TMEM202: variants seen among roughly 807,000 people sequenced by gnomAD.
TMEM202 encodes the protein transmembrane protein 202.
A neutral mutation model predicts 26.1 loss-of-function variants in TMEM202; 25 were observed. The ratio of observed to expected loss-of-function variants is 0.96; its 90% CI spans 0.70 to 1.34. TMEM202 has a LOEUF of 1.34. Among genes scored for constraint, TMEM202 ranks in the 40% most tolerant of loss-of-function variants. The pLI is 0.00. For synonymous variants in TMEM202, 122 were observed against 119.0 expected, an observed-to-expected ratio of 1.02 and a Z score of -0.16; for missense variants, 301 against 327.7, an observed-to-expected ratio of 0.92 and a Z score of 0.63.
chr15:72,402,743 C>T (rs2063553699), intron 2 of TMEM202, among the ~76,000 whole-genome samples: 1 of 152,026 alleles, frequency 6.6e-6, no homozygotes, highest in East Asian at 1.9e-4. Flanking sequence ...CACTGGGCAC[C>T]CTAGAGTTAG....
chr15:72,402,146 A>G (rs991250593), intron 2 of TMEM202, among the ~76,000 whole-genome samples: 1 of 151,956 alleles, frequency 6.6e-6, no homozygotes, highest in African/African-American at 2.4e-5. Context: ...TTGTGTTTTT[A>G]GTAGAGATGG....
chr15:72,406,681 T>C lies in TMEM202; in HGVS notation c.417T>C (p.Ser139=). The C allele has an allele frequency of 6.2e-7, 1 of 1,614,206 alleles. No homozygotes were observed. Residue 139 remains serine, a synonymous_variant, in exon 3 of 5, where the codon TCT becomes TCC. Transcript: ENST00000341689. ...CTGGCCTTGGCTGGCTCTTCAGCTC[T>C]TGGATCCTTAATCGAGGAAGCATGA... ...ILTGLGWLFS[S]WILNRGSMTT... is the part of the protein sequence containing the mutation.
chr15:72,401,289 G>T (rs1416192051), intron 2 of TMEM202, among the ~76,000 whole-genome samples: 1 of 152,056 alleles, frequency 6.6e-6, no homozygotes, highest in African/African-American at 2.4e-5. Flanking sequence ...AAACACCTCT[G>T]ATATCAGCAC....
chr15:72,398,486 G>A (rs1295674352), intron 1 of TMEM202, 79 bp downstream of exon 1: 1 of 1,425,920 alleles, frequency 7.0e-7, no homozygotes, highest in East Asian at 2.4e-5. Context: ...GCATCCTAAA[G>A]ACAGAAAAGA....
chr15:72,406,474 T>A (rs113736354), intron 2 of TMEM202, 128 bp from the exon 3 acceptor site: 1 of 665,708 alleles, frequency 1.5e-6, no homozygotes, highest in East Asian at 2.6e-5. Flanking sequence ...GCAAAAAGGA[T>A]GTCATGTAGC....
Position 72,407,828 on chromosome 15 carries a change from A to G in TMEM202, c.757A>G (p.Arg253Gly), listed in dbSNP as rs141447513. The change falls in exon 5 of 5, where the codon AGG (arginine) becomes GGG (glycine). Residue 253 changes from arginine to glycine, a missense_variant. Coordinates refer to ENST00000341689, the MANE Select transcript of TMEM202 (RefSeq NM_001080462.3). ...ATCACCTGCTAAAGATGAAGGGCCA[A>G]GGTCTGAGATGGAATCTCTAAGTGT... is the stretch of plus-strand genomic sequence containing the variant. ...TVSPAKDEGP[R>G]SEMESLSVRE... The G allele has an allele frequency of 3.9e-5, 63 of 1,613,998 alleles. No homozygotes were observed. Among genetic ancestry groups the G allele is most frequent in the Non-Finnish European group, 4.8e-5 (57 of 1,180,022 alleles).
At chr15:72,403,907 T>C (rs2063559908) in intron 2 of TMEM202, among the ~76,000 whole-genome samples, 1 of 152,152 alleles carries the variant, frequency 6.6e-6, no homozygotes, top group Non-Finnish European at 1.5e-5. Flanking sequence ...GAGGATCTTG[T>C]TTATGTAGTT....
At chr15:72,407,279 G>A in intron 4 of TMEM202, 62 bp downstream of exon 4, 2 of 1,575,142 alleles carry the variant, frequency 1.3e-6, no homozygotes, top group Non-Finnish European at 1.7e-6. Flanking sequence ...TGGAAAGGGA[G>A]GTATAATCCA....
chr15:72,401,435 T>C (rs967328517), intron 2 of TMEM202, among the ~76,000 whole-genome samples: 7 of 152,088 alleles, frequency 4.6e-5, no homozygotes, highest in African/African-American at 1.4e-4. Context: ...TCCCAGTTAC[T>C]TGGGAGGCCG....
Position 72,407,886 on chromosome 15 carries a change from G to A in TMEM202, c.815G>A (p.Trp272Ter). The change falls in exon 5 of 5, where the codon TGG becomes TAG. Residue 272 changes from tryptophan to a stop codon, truncating the protein, a stop_gained. Coordinates refer to ENST00000341689, the MANE Select transcript of TMEM202 (RefSeq NM_001080462.3). LOFTEE classifies it high-confidence loss of function. ...AAAAATTTACCAAAGTCAGGACTGT[G>A]GTGGTGATAGGAAAACCTAACTATA... ...REKNLPKSGL[W>*]W The A allele has an allele frequency of 6.2e-7, 1 of 1,613,042 alleles. No individual in the cohort carries two copies. The highest frequency in any genetic ancestry group is 1.8e-4 in the Middle Eastern group (1 of 5,644).
chr15:72,399,000 A>G lies in TMEM202; in HGVS notation c.337+92A>G, dbSNP rs919573566. The G allele has an allele frequency of 4.0e-6, 6 of 1,489,368 alleles. No individual in the cohort carries two copies. The African/African-American group carries it at 6.9e-5, about 17-fold the overall frequency. The allele number at this position is 1,489,368 out of a possible 1,614,324, so 92.3% of individuals were successfully genotyped here. A position where few individuals can be genotyped will look rare whatever the true frequency, so the allele number is the denominator to read the frequency against. ...GGCCCTTCATGTTTCTTCCTCCAAG[A>G]TCTTTTGGCCTTCACCTCTCCAAGT... On this transcript the variant is annotated intron_variant, in intron 2 of 4. Coordinates refer to ENST00000341689, the MANE Select transcript of TMEM202 (RefSeq NM_001080462.3).
Position 72,407,953 on chromosome 15 carries a change from C to A in TMEM202, c.*60C>A. 7.1e-7 allele frequency: 1 copy of A among 1,404,556 alleles called. No individual in the cohort carries two copies. Among genetic ancestry groups the A allele is most frequent in the South Asian group, 1.2e-5 (1 of 81,780 alleles). The allele number at this position is 1,404,556 out of a possible 1,614,324, so 87.0% of individuals were successfully genotyped here. A position where few individuals can be genotyped will look rare whatever the true frequency, so the allele number is the denominator to read the frequency against. ...GGGGAGAAGCTGAGTTGGGAATGGT[C>A]ACATAAATTCTGGGAAACTCTCCTA... On this transcript the variant is annotated 3_prime_UTR_variant, in exon 5 of 5. Transcript: ENST00000341689.
Position 72,407,702 on chromosome 15 carries a change from C to G in TMEM202, c.631C>G (p.Leu211Val), listed in dbSNP as rs1339550343. Reference sequence around the variant, plus strand: ...TTCCCTTCCCGTAGGGATCATCTCTCTTCTCAACTACTTAACTTCCAGATC... The same window carrying G: ...TTCCCTTCCCGTAGGGATCATCTCTGTTCTCAACTACTTAACTTCCAGATC... ...IFYMFAGIISLLNYLTSRSPA... is the reference protein window; with the variant it reads ...IFYMFAGIISVLNYLTSRSPA... Residue 211 changes from leucine (L) to valine (V), a missense_variant, in exon 5 of 5, where the codon CTT (leucine) becomes GTT (valine). Leu to Val is a conservative substitution (Grantham distance 32). Coordinates refer to ENST00000341689, the MANE Select transcript of TMEM202 (RefSeq NM_001080462.3). 2.5e-6 allele frequency: 4 copies of G among 1,613,912 alleles called. No homozygotes were observed. Among genetic ancestry groups the G allele is most frequent in the South Asian group, 1.1e-5 (1 of 91,076 alleles).
Position 72,398,907 on chromosome 15 carries a change from C to T in TMEM202, c.336C>T (p.Pro112=). The part of the protein sequence containing the change: ...ELCWSHTPKP[P]YYLQYSRAFF... The stretch of plus-strand genomic sequence containing the variant: ...GCTGGAGCCACACACCCAAGCCACC[C>T]TGTGAGTGCCACCGAATTAAATGCC... The change falls in exon 2 of 5, where the codon CCC becomes CCT. Residue 112 remains proline, a splice_region_variant and synonymous_variant. Transcript: ENST00000341689. 1 of 1,599,040 alleles carries T rather than the reference C, an allele frequency of 6.3e-7. No individual in the cohort carries two copies. The highest frequency in any genetic ancestry group is 8.6e-7 in the Non-Finnish European group (1 of 1,168,340).
In TMEM202 at chr15:72,406,668, G is replaced by A; in HGVS notation, c.404G>A (p.Trp135Ter). The stretch of plus-strand genomic sequence containing the variant: ...TTTACCATACTTACTGGCCTTGGCT[G>A]GCTCTTCAGCTCTTGGATCCTTAAT... ...SVFTILTGLG[W>*]LFSSWILNRG... The change falls in exon 3 of 5, where the codon TGG becomes TAG. Residue 135 changes from tryptophan to a stop codon, truncating the protein, a stop_gained. Transcript: ENST00000341689. LOFTEE classifies it high-confidence loss of function. 1 of 1,614,010 alleles carries A rather than the reference G, an allele frequency of 6.2e-7. No individual in the cohort carries two copies. The highest frequency in any genetic ancestry group is 8.5e-7 in the Non-Finnish European group (1 of 1,179,944).
At position 72,407,997 on chromosome 15, in the gene TMEM202, T is replaced by C. The variant is rs1459573949; in HGVS notation, c.*104T>C. 10 of 881,290 alleles carry C rather than the reference T, an allele frequency of 1.1e-5. No individual in the cohort carries two copies. Among genetic ancestry groups the C allele is most frequent in the Middle Eastern group, 3.4e-4 (1 of 2,904 alleles). 54.6% of individuals were successfully genotyped at this position (881,290 alleles called of 1,614,324 possible). On this transcript the variant is annotated 3_prime_UTR_variant, in exon 5 of 5. Coordinates refer to ENST00000341689, the MANE Select transcript of TMEM202 (RefSeq NM_001080462.3). ...TCTCCTAATATCATGTCCATATTACTTGAGGAGACAGCATTAAAGCTGATG... is the reference window on the plus strand; with the variant it reads ...TCTCCTAATATCATGTCCATATTACCTGAGGAGACAGCATTAAAGCTGATG...
In TMEM202 at chr15:72,398,353, G is replaced by A. The variant is rs1369763135; in HGVS notation, c.27G>A (p.Leu9=). The change falls in exon 1 of 5, where the codon TTG becomes TTA. Residue 9 remains leucine (L), a synonymous_variant. Coordinates refer to ENST00000341689, the MANE Select transcript of TMEM202 (RefSeq NM_001080462.3). ...TGGAGCGAAGGGAACATTTAACCTT[G>A]ACTTTCCACAGTCCTGAGGTTCCCA... is the stretch of plus-strand genomic sequence containing the variant. MERREHLT[L]TFHSPEVPKI... 1 of 1,613,264 alleles carries A rather than the reference G, an allele frequency of 6.2e-7. No individual in the cohort carries two copies. Among genetic ancestry groups the A allele is most frequent in the African/African-American group, 1.3e-5 (1 of 74,902 alleles).
chr15:72,405,022 T>A (rs1035372592), intron 2 of TMEM202, among the ~76,000 whole-genome samples: 26 of 152,334 alleles, frequency 1.7e-4, no homozygotes, highest in African/African-American at 6.3e-4. Context: ...ACAGAGCAAC[T>A]TAACATCTGT....
intron 3 of TMEM202, 83 bp downstream of exon 3, chr15:72,406,834 T>C: frequency 6.9e-7 from 1 of 1,453,970 alleles, no homozygotes; most frequent in Non-Finnish European, 9.5e-7. Flanking sequence ...CTCATACTCT[T>C]TTTCTTATCT....
Sources: gnomAD v4.1 joint callset for allele counts (sites outside exome capture counted in the v4.1 genomes callset) on GRCh38, gnomAD v4.1.1 for gene constraint, MANE v1.5 for transcripts, NCBI Gene and HGNC (gene_info 2026-07-23, HGNC 2026-07-21) for gene names.